Variants in CDKL3 observed in about 807,000 individuals in gnomAD.
The protein encoded by CDKL3 is cyclin-dependent kinase-like 3.
A neutral mutation model predicts 69.3 loss-of-function variants in CDKL3; 65 were observed. The ratio of observed to expected loss-of-function variants is 0.94; its 90% CI spans 0.77 to 1.15. CDKL3 has a LOEUF of 1.15. CDKL3 is among the 50% of genes most tolerant of loss of function. The pLI is 0.00. For missense variants in CDKL3, 652 were observed against 689.2 expected (o/e 0.95, Z 0.61); for synonymous variants, 202 against 221.6 (o/e 0.91, Z 0.79).
At chr5:134,359,344 C>T (rs1248495759) in intron 3 of CDKL3, among the ~76,000 whole-genome samples, 1 of 152,186 alleles carries the variant, frequency 6.6e-6, no homozygotes, top group African/African-American at 2.4e-5. Flanking sequence ...GAGCTAAACA[C>T]TTACAAGCCA....
At chr5:134,287,181 T>C (rs138290397) in intron 8 of CDKL3, among the ~76,000 whole-genome samples, 33 of 152,146 alleles carry the variant, frequency 2.2e-4, no homozygotes, top group Admixed American at 3.9e-4. Flanking sequence ...AAAAGATGAT[T>C]CATAGTGTGA....
At chr5:134,366,922 T>TA (rs1030903588) in intron 1 of CDKL3, 55 bp downstream of exon 1, 267 of 992,972 alleles carry the variant, frequency 2.7e-4, no homozygotes, top group Middle Eastern at 5.2e-4. Context: ...CCCAAGGTCC[T>TA]AAAAAAAGCC....
intron 12 of CDKL3, 30 bp from the exon 13 acceptor site, chr5:134,298,740 C>G (rs1561490053): frequency 3.7e-6 from 6 of 1,604,930 alleles, no homozygotes; most frequent in Non-Finnish European, 5.1e-6. Context: ...TAGTAAGAAT[C>G]AGGGACTGGA....
At chr5:134,335,187 C>T (rs1333990306) in intron 4 of CDKL3, among the ~76,000 whole-genome samples, 1 of 150,160 alleles carries the variant, frequency 6.7e-6, no homozygotes, top group Non-Finnish European at 1.5e-5. Context: ...AGATCTTCCT[C>T]CATCCCTTTA....
intron 8 of CDKL3, among the ~76,000 whole-genome samples, chr5:134,293,102 C>T (rs1318774612): frequency 2.8e-5 from 4 of 141,966 alleles, no homozygotes; most frequent in South Asian, 4.7e-4. Flanking sequence ...CTCACCACAA[C>T]CTCTGCCTCC....
intron 4 of CDKL3, among the ~76,000 whole-genome samples, chr5:134,346,428 C>A (rs1355935369): frequency 1.3e-5 from 2 of 152,180 alleles, no homozygotes; most frequent in East Asian, 3.8e-4. Flanking sequence ...TCACGCTTTT[C>A]TCTTGCTAAC....
At chr5:134,308,911 C>A (rs558852892) in intron 7 of CDKL3, among the ~76,000 whole-genome samples, 184 bp from the exon 8 acceptor site, 31 of 152,308 alleles carry the variant, frequency 2.0e-4, no homozygotes, top group Admixed American at 4.6e-4. Flanking sequence ...TCTAAAGATA[C>A]ATCTTTCGAA....
intron 8 of CDKL3, among the ~76,000 whole-genome samples, chr5:134,291,944 C>T (rs979204637): frequency 2.0e-5 from 3 of 152,082 alleles, no homozygotes; most frequent in African/African-American, 4.8e-5. Context: ...TATTATAGCT[C>T]TAAATATATA....
intron 5 of CDKL3, 127 bp downstream of exon 5, chr5:134,321,664 C>A: frequency 1.7e-6 from 1 of 578,470 alleles, no homozygotes. Context: ...AACCCATCTG[C>A]TGCCATCTAT....
At chr5:134,349,986 G>A (rs1380227575) in intron 4 of CDKL3, among the ~76,000 whole-genome samples, 3 of 152,032 alleles carry the variant, frequency 2.0e-5, no homozygotes, top group Non-Finnish European at 2.9e-5. Context: ...TCAGGAGTTC[G>A]AAACCAGCCT....
chr5:134,368,729 A>G (rs115387161), upstream of CDKL3, among the ~76,000 whole-genome samples: 1 of 152,016 alleles, frequency 6.6e-6, no homozygotes, highest in African/African-American at 2.4e-5. Flanking sequence ...TGGTGTAAGC[A>G]TATTATTTGT....
chr5:134,289,344 C>A (rs1765022778), intron 8 of CDKL3, among the ~76,000 whole-genome samples: 2 of 151,986 alleles, frequency 1.3e-5, no homozygotes, highest in African/African-American at 4.8e-5. Context: ...ATATTGATGG[C>A]AGAATTATTA....
downstream of CDKL3, among the ~76,000 whole-genome samples, chr5:134,296,748 G>T (rs1765369119): frequency 6.6e-6 from 1 of 150,918 alleles, no homozygotes; most frequent in Non-Finnish European, 1.5e-5. Flanking sequence ...AGGAGTTCAA[G>T]ACCAGCCTGG....
chr5:134,289,900 G>A (rs763212588), intron 8 of CDKL3, among the ~76,000 whole-genome samples: 3 of 152,006 alleles, frequency 2.0e-5, no homozygotes, highest in Admixed American at 6.6e-5. Context: ...CTACCCCACC[G>A]GTAAAATTAT....
At chr5:134,288,078 C>G (rs866734844) in intron 8 of CDKL3, among the ~76,000 whole-genome samples, 1 of 151,858 alleles carries the variant, frequency 6.6e-6, no homozygotes, top group Non-Finnish European at 1.5e-5. Context: ...ATTTTTAGTA[C>G]AGATGGGGTT....
At chr5:134,371,379 C>T, upstream of CDKL3, 5 of 669,860 alleles carry the variant, frequency 7.5e-6, no homozygotes, top group Non-Finnish European at 1.0e-5. Context: ...GTCCCGCCCC[C>T]TCCTCCCCCA....
rs1765523325 is a variant in CDKL3, at chr5:134,298,514, T to C, written c.*137A>G. 6.9e-7 allele frequency: 1 copy of C among 1,439,996 alleles called. No homozygotes were observed. Among genetic ancestry groups the C allele is most frequent in the Admixed American group, 2.8e-5 (1 of 36,226 alleles). The allele number at this position is 1,439,996 out of a possible 1,614,324, so 89.2% of individuals were successfully genotyped here. ...GAAAAGAAAACAGTAAATGTTTTGC[T>C]AACAAAAAAAGCTGGATGATGCTCA... On this transcript the variant is annotated 3_prime_UTR_variant, in exon 13 of 13. Coordinates refer to ENST00000265334, the MANE Select transcript of CDKL3 (RefSeq NM_001113575.2).
intron 4 of CDKL3, among the ~76,000 whole-genome samples, chr5:134,330,399 G>T (rs1330393662): frequency 6.6e-6 from 1 of 152,180 alleles, no homozygotes; most frequent in Admixed American, 6.5e-5. Context: ...AGCTTTCCCA[G>T]ACGTTTATTT....
At position 134,304,500 on chromosome 5, in the gene CDKL3, T is replaced by C. The variant is rs777165467; in HGVS notation, c.1526A>G (p.Lys509Arg). The C allele has an allele frequency of 1.2e-6, 2 of 1,612,888 alleles. No homozygotes were observed. Among genetic ancestry groups the C allele is most frequent in the Admixed American group, 1.7e-5 (1 of 59,902 alleles). The part of the protein sequence containing the change: ...GHSDQMANEN[K>R]RKLNFSRSDR... ...AGATCTGGAAAAATTCAGCTTCCTT[T>C]TGTTCTCATTTGCCATTTGGTCACT... Residue 509 changes from lysine (K) to arginine (R), a missense_variant, in exon 11 of 13, where the codon AAA (lysine) becomes AGA (arginine). Coordinates refer to ENST00000265334, the MANE Select transcript of CDKL3 (RefSeq NM_001113575.2).
Sources: allele counts gnomAD v4.1 joint callset (sites outside exome capture counted in the v4.1 genomes callset), GRCh38; gene constraint gnomAD v4.1.1; transcripts MANE v1.5; gene names NCBI Gene and HGNC (gene_info 2026-07-23, HGNC 2026-07-21).